The following TCERG1L variants were observed in gnomAD, a reference collection of about 807,000 sequenced individuals.
TCERG1L encodes the protein transcription elongation regulator 1 like, also known as transcription elongation regulator 1-like protein.
TCERG1L carries 37 observed loss-of-function variants against 56.3 expected under a neutral mutation model. The observed-to-expected ratio is 0.66, with a 90% CI of 0.51 to 0.87. The LOEUF (loss-of-function observed/expected upper bound fraction) is 0.87, where lower values mean the gene tolerates loss of function less well. TCERG1L is among the 40% of genes least tolerant of loss of function. The probability of loss-of-function intolerance (pLI) is 0.00; values close to 1 mark genes in which losing one functional copy is unlikely to be tolerated. For missense variants in TCERG1L, 799 were observed against 774.2 expected, an observed-to-expected ratio of 1.03 and a Z score of -0.38; for synonymous variants, 324 against 326.3, an observed-to-expected ratio of 0.99 and a Z score of 0.08.
chr10:131,134,797 G>A (rs556039722), intron 7 of TCERG1L, among the ~76,000 whole-genome samples: 239 of 152,272 alleles, frequency 1.6e-3, no homozygotes, highest in Middle Eastern at 6.8e-3. Context: ...ATGTTCTTGA[G>A]AGGGAACCAT....
intron 5 of TCERG1L, among the ~76,000 whole-genome samples, 179 bp downstream of exon 5, chr10:131,166,618 G>A (rs1012655874): frequency 2.6e-5 from 4 of 152,256 alleles, no homozygotes; most frequent in Non-Finnish European, 4.4e-5. Flanking sequence ...AGCAAGGGCT[G>A]TGTCCCTGCT....
At chr10:131,292,419 T>A (rs1866352) in intron 3 of TCERG1L, among the ~76,000 whole-genome samples, 1 of 152,110 alleles carries the variant, frequency 6.6e-6, no homozygotes, top group Non-Finnish European at 1.5e-5. Context: ...CTTACAGATG[T>A]TACTGTTACT....
chr10:131,131,056 C>G lies in TCERG1L; in HGVS notation c.1259+3323G>C, dbSNP rs1472460222. On this transcript the variant is annotated intron_variant, in intron 8 of 11. Coordinates refer to ENST00000368642, the MANE Select transcript of TCERG1L (RefSeq NM_174937.4). ...CACGCAAGCTACACTGTGCATTTCACAAGCCCTGGGCCACAGCCGCACAAA... is the reference window on the plus strand; with the variant it reads ...CACGCAAGCTACACTGTGCATTTCAGAAGCCCTGGGCCACAGCCGCACAAA... 3.3e-5 allele frequency among the ~76,000 whole-genome samples: 5 copies of G among 152,326 alleles called. No individual in the cohort carries two copies. The East Asian group carries it at 9.6e-4, about 29-fold the overall frequency.
At chr10:131,106,095 G>C (rs1845349487) in intron 9 of TCERG1L, among the ~76,000 whole-genome samples, 1 of 152,234 alleles carries the variant, frequency 6.6e-6, no homozygotes. Context: ...CATTGCTAGT[G>C]AGGTGTTGTT....
At chr10:131,256,749 G>C (rs1846167562) in intron 4 of TCERG1L, among the ~76,000 whole-genome samples, 1 of 151,552 alleles carries the variant, frequency 6.6e-6, no homozygotes, top group South Asian at 2.1e-4. Flanking sequence ...CTGGGCATGG[G>C]GGTGTGCACC....
At chr10:131,247,599 CAT>C (rs1014260747) in intron 4 of TCERG1L, among the ~76,000 whole-genome samples, 12 of 152,192 alleles carry the variant, frequency 7.9e-5, no homozygotes, top group African/African-American at 2.9e-4. Flanking sequence ...AGATAGAACA[CAT>C]GTGGTGAAAA....
chr10:131,152,534 C>T (rs1292482115), intron 6 of TCERG1L, among the ~76,000 whole-genome samples: 1 of 152,184 alleles, frequency 6.6e-6, no homozygotes, highest in Non-Finnish European at 1.5e-5. Context: ...GTCTTCTGAG[C>T]CCTCCAAGTC....
At chr10:131,253,899 G>C (rs1589762669) in intron 4 of TCERG1L, among the ~76,000 whole-genome samples, 1 of 152,190 alleles carries the variant, frequency 6.6e-6, no homozygotes, top group Non-Finnish European at 1.5e-5. Flanking sequence ...CATGCCAGTG[G>C]GGGAGAGAAG....
intron 4 of TCERG1L, among the ~76,000 whole-genome samples, chr10:131,240,540 TG>T (rs1468371589): frequency 1.7e-3 from 79 of 46,772 alleles, no homozygotes; most frequent in African/African-American, 6.3e-3. Flanking sequence ...AACTAATGAA[TG>T]AGTGAGTGAG....
chr10:131,303,328 A>G (rs370441333), intron 3 of TCERG1L, among the ~76,000 whole-genome samples: 1 of 152,106 alleles, frequency 6.6e-6, no homozygotes, highest in Non-Finnish European at 1.5e-5. Flanking sequence ...TCTAACTGGC[A>G]TAAGATGGTA....
intron 11 of TCERG1L, among the ~76,000 whole-genome samples, chr10:131,096,080 G>T (rs1323480704): frequency 6.6e-6 from 1 of 152,168 alleles, no homozygotes; most frequent in East Asian, 1.9e-4. Context: ...CACCGTCGGG[G>T]TCCCTCCCTG....
Position 131,240,870 on chromosome 10 carries a change from G to A in TCERG1L, c.856+19389C>T, listed in dbSNP as rs144774491. On this transcript the variant is annotated intron_variant, in intron 4 of 11. Coordinates refer to ENST00000368642, the MANE Select transcript of TCERG1L (RefSeq NM_174937.4). ...GAGCTGATTATGAGATAGGAGAGGT[G>A]GAGAAACCGGCGTGCAGGTCCCCTG... Among the ~76,000 whole-genome samples, 644 of 152,324 alleles carry A rather than the reference G, an allele frequency of 4.2e-3. 8 individuals are homozygous for A. The highest frequency in any genetic ancestry group is 0.015 in the African/African-American group (612 of 41,582).
chr10:131,146,740 A>ACG, intron 6 of TCERG1L, 80 bp from the exon 7 acceptor site: 1 of 1,458,308 alleles, frequency 6.9e-7, no homozygotes, highest in Non-Finnish European at 9.2e-7. Flanking sequence ...TCTCACTGAA[A>ACG]AAGCCCCTCA....
At chr10:131,151,093 G>A (rs1845860872) in intron 6 of TCERG1L, among the ~76,000 whole-genome samples, 1 of 152,158 alleles carries the variant, frequency 6.6e-6, no homozygotes. Context: ...GGTGAGATTT[G>A]GGTGGGGACA....
chr10:131,179,252 G>A (rs1845144458), intron 4 of TCERG1L, among the ~76,000 whole-genome samples: 1 of 152,246 alleles, frequency 6.6e-6, no homozygotes, highest in Admixed American at 6.5e-5. Context: ...GGCAGCACCT[G>A]TGTGTTTCCC....
At chr10:131,250,472 C>T (rs944657915) in intron 4 of TCERG1L, among the ~76,000 whole-genome samples, 3 of 110,028 alleles carry the variant, frequency 2.7e-5, no homozygotes, top group Admixed American at 8.7e-5. Flanking sequence ...TAGCATCAGA[C>T]CCTCCACAGG....
In TCERG1L at chr10:131,295,919, G is replaced by A. The variant is rs145369982; in HGVS notation, c.670+12292C>T. ...TGGCAATCCATCTTTCTTTGTTGGT[G>A]ATGTGTCTGGTCATATATTTTGTCC... On this transcript the variant is annotated intron_variant, in intron 3 of 11. Coordinates refer to ENST00000368642, the MANE Select transcript of TCERG1L (RefSeq NM_174937.4). 8.2e-3 allele frequency among the ~76,000 whole-genome samples: 1,253 copies of A among 152,228 alleles called. 14 individuals carry two copies. The highest frequency in any genetic ancestry group is 0.021 in the Admixed American group (322 of 15,290).
intron 4 of TCERG1L, among the ~76,000 whole-genome samples, chr10:131,193,433 G>A (rs1231055638): frequency 6.6e-6 from 1 of 152,160 alleles, no homozygotes; most frequent in East Asian, 1.9e-4. Flanking sequence ...CCAATGTCCG[G>A]AAGAGTTTTC....
Position 131,308,343 on chromosome 10 carries a change from C to A in TCERG1L, c.538G>T (p.Glu180Ter), listed in dbSNP as rs1247408918. 1 of 1,613,798 alleles carries A rather than the reference C, an allele frequency of 6.2e-7. No homozygotes were observed. Among genetic ancestry groups the A allele is most frequent in the Non-Finnish European group, 8.5e-7 (1 of 1,179,884 alleles). Residue 180 changes from glutamate (E) to a stop codon, truncating the protein, a stop_gained, in exon 3 of 12, where the codon GAG becomes TAG. Transcript: ENST00000368642. LOFTEE classifies it high-confidence loss of function. ...FALDSTWIHP[E>*]ESRFFHGHEK... is the part of the protein sequence containing the mutation. ...TGCCCATGGAAAAACCTTGACTCCT[C>A]AGGATGTATCCACGTTGAGTCCAGA... is the stretch of plus-strand genomic sequence containing the variant.
Sources: allele counts gnomAD v4.1 joint callset (sites outside exome capture counted in the v4.1 genomes callset), GRCh38; gene constraint gnomAD v4.1.1; transcripts MANE v1.5; gene names NCBI Gene and HGNC (gene_info 2026-07-23, HGNC 2026-07-21).